Variants in HELLS observed in about 807,000 individuals in gnomAD.
The protein encoded by HELLS is lymphoid-specific helicase.
In HELLS, 32 loss-of-function variants were observed where a neutral mutation model predicts 120.0. The observed-to-expected ratio is 0.27, with a 90% CI of 0.20 to 0.36. HELLS has a LOEUF of 0.36. Among genes scored for constraint, HELLS ranks in the 10% least tolerant of loss-of-function variants. The pLI is 1.00. For synonymous variants in HELLS, 341 were observed against 323.4 expected (o/e 1.05, Z -0.58); for missense variants, 650 against 993.4 (o/e 0.65, Z 4.65).
intron 14 of HELLS, 25 bp from the exon 15 acceptor site, chr10:94,590,613 A>G: frequency 1.2e-6 from 2 of 1,606,336 alleles, no homozygotes; most frequent in Non-Finnish European, 1.7e-6. Context: ...TGCATTTCCC[A>G]TATATGCATT....
At chr10:94,575,665 C>T (rs1480531712) in intron 9 of HELLS, among the ~76,000 whole-genome samples, 1 of 151,900 alleles carries the variant, frequency 6.6e-6, no homozygotes, top group South Asian at 2.1e-4. Context: ...TTGTGATCCG[C>T]CCACCTTGGC....
chr10:94,574,820 CTT>C (rs1844351546), intron 9 of HELLS, 84 bp downstream of exon 9: 17 of 1,084,838 alleles, frequency 1.6e-5, no homozygotes, highest in Non-Finnish European at 2.3e-5. Context: ...TTGTAGAACT[CTT>C]ATAATTATAT....
intron 6 of HELLS, among the ~76,000 whole-genome samples, chr10:94,564,834 A>T (rs1843712262): frequency 6.6e-6 from 1 of 151,972 alleles, no homozygotes; most frequent in African/African-American, 2.4e-5. Context: ...ACCTCAGGTG[A>T]TCCTCACGCC....
intron 6 of HELLS, among the ~76,000 whole-genome samples, chr10:94,567,490 G>A (rs1036508751): frequency 6.6e-6 from 1 of 152,124 alleles, no homozygotes; most frequent in Non-Finnish European, 1.5e-5. Flanking sequence ...TAGAGACGGG[G>A]TTTCTCCATG....
Position 94,546,505 on chromosome 10 carries a change from T to A in HELLS, c.153+7T>A. 6.2e-7 allele frequency: 1 copy of A among 1,613,914 alleles called. No homozygotes were observed. The highest frequency in any genetic ancestry group is 1.3e-5 in the African/African-American group (1 of 75,032). On this transcript the variant is annotated splice_region_variant and intron_variant, in intron 2 of 21. Transcript: ENST00000348459. ...GCGGAAGATGCTGGAAAAGGTAATT[T>A]AGGCATCAGGTTCGTCGTCGTGAAA... is the stretch of plus-strand genomic sequence containing the variant.
intron 2 of HELLS, among the ~76,000 whole-genome samples, chr10:94,548,209 C>T (rs551974608): frequency 5.3e-5 from 8 of 152,058 alleles, no homozygotes; most frequent in South Asian, 2.1e-4. Flanking sequence ...GAATAGCTAA[C>T]GATGATAAAA....
intron 8 of HELLS, 138 bp from the exon 9 acceptor site, chr10:94,574,416 T>C: frequency 5.4e-6 from 4 of 746,812 alleles, no homozygotes; most frequent in Non-Finnish European, 8.7e-6. Context: ...AGTGTTGTTA[T>C]AATTTATGGT....
At position 94,554,242 on chromosome 10, in the gene HELLS, A is replaced by G. The variant is rs58643119; in HGVS notation, c.270A>G (p.Gln90=). 6,555 of 1,562,744 alleles carry G rather than the reference A, an allele frequency of 4.2e-3. 205 individuals are homozygous for G. The African/African-American group carries it at 0.073, about 17-fold the overall frequency. ...KFLLTKMEQQ[Q]LEEQKKKEKL... is the part of the protein sequence containing the mutation. ...TATTGACGAAAATGGAACAGCAACAATTAGAGGTATGTATATGTAACTGAC... is the reference window on the plus strand; with the variant it reads ...TATTGACGAAAATGGAACAGCAACAGTTAGAGGTATGTATATGTAACTGAC... The change falls in exon 3 of 22, where the codon CAA becomes CAG. Residue 90 remains glutamine, a synonymous_variant. Transcript: ENST00000348459.
At chr10:94,586,454 A>G (rs1307095915) in intron 12 of HELLS, among the ~76,000 whole-genome samples, 2 of 152,064 alleles carry the variant, frequency 1.3e-5, no homozygotes, top group Non-Finnish European at 2.9e-5. Flanking sequence ...AAACATTTAC[A>G]TATTTTTCCT....
intron 9 of HELLS, among the ~76,000 whole-genome samples, chr10:94,575,374 T>C (rs1252280254): frequency 2.6e-5 from 4 of 151,852 alleles, no homozygotes; most frequent in Non-Finnish European, 5.9e-5. Context: ...ACTGGGATTA[T>C]AGACGTGAGC....
rs909302907 is a variant in HELLS, at chr10:94,579,444, G to C, written c.1033-1882G>C. On this transcript the variant is annotated intron_variant, in intron 10 of 21. Transcript: ENST00000348459. The stretch of plus-strand genomic sequence containing the variant: ...TCTCGATCTCCTGCCCTCGTGATCC[G>C]CCCGCCTCAGCCTCCCAGAGAACTA... Among the ~76,000 whole-genome samples, 132 of 151,614 alleles carry C rather than the reference G, an allele frequency of 8.7e-4. 4 individuals are homozygous for C. In the South Asian group the frequency reaches 0.027, roughly 31 times the overall value.
At chr10:94,608,940 A>G (rs1846158079) in intron 9 of HELLS, among the ~76,000 whole-genome samples, 1 of 145,644 alleles carries the variant, frequency 6.9e-6, no homozygotes, top group Non-Finnish European at 1.5e-5. Flanking sequence ...CCAGCCCACA[A>G]TTTTCTTTCA....
chr10:94,566,659 T>C (rs1046569963), intron 6 of HELLS, among the ~76,000 whole-genome samples: 37 of 151,940 alleles, frequency 2.4e-4, no homozygotes, highest in Non-Finnish European at 4.4e-4. Flanking sequence ...CTTTTCTTTT[T>C]TTTTTTTTAA....
At position 94,574,646 on chromosome 10, in the gene HELLS, T is replaced by A; in HGVS notation, c.798T>A (p.Ile266=). The change falls in exon 9 of 22, where the codon ATT becomes ATA. Residue 266 remains isoleucine, a synonymous_variant. Coordinates refer to ENST00000348459, the MANE Select transcript of HELLS (RefSeq NM_018063.5). Reference sequence around the variant, plus strand: ...GCATTGCTACTATTGCATTGATGATTCAGAGAGGAGTACCAGGACCTTTTC... The same window carrying A: ...GCATTGCTACTATTGCATTGATGATACAGAGAGGAGTACCAGGACCTTTTC... The part of the protein sequence containing the change: ...VQCIATIALM[I]QRGVPGPFLV... 3.1e-6 allele frequency: 5 copies of A among 1,613,718 alleles called. No individual in the cohort carries two copies. Among genetic ancestry groups the A allele is most frequent in the Non-Finnish European group, 3.4e-6 (4 of 1,179,660 alleles).
At chr10:94,562,018 T>A (rs1843582229) in intron 4 of HELLS, among the ~76,000 whole-genome samples, 1 of 150,820 alleles carries the variant, frequency 6.6e-6, no homozygotes, top group Non-Finnish European at 1.5e-5. Flanking sequence ...CCTGACCTCA[T>A]GATCTGCCCG....
chr10:94,548,773 C>T (rs576774405), intron 2 of HELLS, among the ~76,000 whole-genome samples: 3 of 152,222 alleles, frequency 2.0e-5, no homozygotes, highest in Admixed American at 1.3e-4. Flanking sequence ...GCGGGTGGAT[C>T]ACCTGAGGTC....
chr10:94,590,202 C>T (rs1845412288), intron 13 of HELLS, among the ~76,000 whole-genome samples: 1 of 152,186 alleles, frequency 6.6e-6, no homozygotes, highest in South Asian at 2.1e-4. Context: ...TAGTTTTATA[C>T]ACCCTTCATT....
intron 4 of HELLS, among the ~76,000 whole-genome samples, chr10:94,559,445 T>C (rs1281219482): frequency 6.6e-6 from 1 of 151,484 alleles, no homozygotes; most frequent in Non-Finnish European, 1.5e-5. Context: ...TATTTTATTT[T>C]ATTTTATTTT....
intron 4 of HELLS, among the ~76,000 whole-genome samples, chr10:94,560,527 T>A (rs1843498783): frequency 6.6e-6 from 1 of 151,794 alleles, no homozygotes; most frequent in Non-Finnish European, 1.5e-5. Context: ...AGACCCTGTC[T>A]CTGCTAAAAA....
Sources: allele counts gnomAD v4.1 joint callset (sites outside exome capture counted in the v4.1 genomes callset), GRCh38; gene constraint gnomAD v4.1.1; transcripts MANE v1.5; gene names NCBI Gene and HGNC (gene_info 2026-07-23, HGNC 2026-07-21).